GPC5: variants seen among roughly 807,000 people sequenced by gnomAD.
GPC5 encodes glypican 5.
In GPC5, 47 loss-of-function variants were observed where a neutral mutation model predicts 53.9. The observed-to-expected ratio is 0.87, with a 90% CI of 0.69 to 1.11. The LOEUF (loss-of-function observed/expected upper bound fraction) is 1.11. Ranked by LOEUF, GPC5 falls within the 50% of genes most tolerant of loss-of-function variation. The probability of loss-of-function intolerance (pLI) is 0.00; values close to 1 mark genes in which losing one functional copy is unlikely to be tolerated. For missense variants in GPC5, 748 were observed against 713.1 expected (o/e 1.05, Z -0.56); for synonymous variants, 286 against 263.3 (o/e 1.09, Z -0.84).
chr13:91,885,893 A>AT (rs1214917391), intron 5 of GPC5, among the ~76,000 whole-genome samples: 1 of 152,072 alleles, frequency 6.6e-6, no homozygotes, highest in Non-Finnish European at 1.5e-5. Flanking sequence ...AAAGTCATAT[A>AT]TTTTTAAATA....
At chr13:91,744,962 A>C (rs1043591077) in intron 4 of GPC5, among the ~76,000 whole-genome samples, 2 of 152,108 alleles carry the variant, frequency 1.3e-5, no homozygotes, top group Non-Finnish European at 2.9e-5. Context: ...TAAAGTGACC[A>C]AAAAATTATA....
intron 7 of GPC5, among the ~76,000 whole-genome samples, chr13:92,258,597 A>AAAC (rs2042743488): frequency 6.6e-6 from 1 of 152,164 alleles, no homozygotes; most frequent in Non-Finnish European, 1.5e-5. Context: ...AGATAGCTCT[A>AAAC]AATATATGAC....
chr13:92,205,868 G>A (rs2042330322), intron 7 of GPC5, among the ~76,000 whole-genome samples: 2 of 151,862 alleles, frequency 1.3e-5, no homozygotes, highest in East Asian at 2.0e-4. Context: ...CCAACATGGC[G>A]AAAGCCCCGC....
chr13:92,298,096 A>C (rs1044907509), intron 7 of GPC5, among the ~76,000 whole-genome samples: 7 of 152,076 alleles, frequency 4.6e-5, no homozygotes, highest in African/African-American at 1.7e-4. Flanking sequence ...TTGTCAGGGA[A>C]GTGGGGAAAA....
rs188817517 is a variant in GPC5 at position 92,337,519 on chromosome 13, C to T, written c.1561+192530C>T. On this transcript the variant is annotated intron_variant, in intron 7 of 7. Transcript: ENST00000377067. ...CAAAGGAGAGAATATTGAAAGAGAA[C>T]AAAGTTGGAGACTGACAATACCAGA... Among the ~76,000 whole-genome samples, 6 of 152,180 alleles carry T rather than the reference C, an allele frequency of 3.9e-5. No individual in the cohort carries two copies. The East Asian group carries it at 9.7e-4, about 24-fold the overall frequency.
rs536230927 is a variant in GPC5 at position 91,856,200 on chromosome 13, T to C, written c.1281-51737T>C. ...TAAGTAGTATTCCATTGTGTAGATA[T>C]ACACATTTAAAAAAACATATTTTTC... is the stretch of plus-strand genomic sequence containing the variant. On this transcript the variant is annotated intron_variant, in intron 5 of 7. Coordinates refer to ENST00000377067, the MANE Select transcript of GPC5 (RefSeq NM_004466.6). 4.0e-5 allele frequency among the ~76,000 whole-genome samples: 6 copies of C among 151,728 alleles called. No homozygotes were observed. The East Asian group carries it at 1.2e-3, about 29-fold the overall frequency.
At position 91,398,693 on chromosome 13, in the gene GPC5, G is replaced by A. The variant is rs1476934104; in HGVS notation, c.-354G>A. The stretch of plus-strand genomic sequence containing the variant: ...CGGCGGCGGCAGTGGCGGCAGTGGC[G>A]GCAGTGGCGGCAGCGGCAGCAGTTG... On this transcript the variant is annotated 5_prime_UTR_variant, in exon 1 of 8. Coordinates refer to ENST00000377067, the MANE Select transcript of GPC5 (RefSeq NM_004466.6). 1 of 234,366 alleles carries A rather than the reference G, an allele frequency of 4.3e-6. No individual in the cohort carries two copies. Among genetic ancestry groups the A allele is most frequent in the Non-Finnish European group, 8.1e-6 (1 of 124,014 alleles). The allele number at this position is 234,366 out of a possible 1,614,324, so 14.5% of individuals were successfully genotyped here.
intron 7 of GPC5, among the ~76,000 whole-genome samples, chr13:92,279,648 C>G (rs2042900072): frequency 6.6e-6 from 1 of 151,634 alleles, no homozygotes; most frequent in Non-Finnish European, 1.5e-5. Context: ...TGAATTTTAT[C>G]TTATTGCTTT....
Position 92,284,976 on chromosome 13 carries a change from T to A in GPC5, c.1561+139987T>A, listed in dbSNP as rs2042943155. 3.3e-5 allele frequency among the ~76,000 whole-genome samples: 5 copies of A among 152,156 alleles called. No homozygotes were observed. The South Asian group carries it at 8.3e-4, about 25-fold the overall frequency. On this transcript the variant is annotated intron_variant, in intron 7 of 7. Transcript: ENST00000377067. ...TGTCCCTGTTTGCAGATGACATGATTGTATATCTAGATAACCCCATCGTCT... is the reference window on the plus strand; with the variant it reads ...TGTCCCTGTTTGCAGATGACATGATAGTATATCTAGATAACCCCATCGTCT...
At chr13:91,931,921 GCTTT>G (rs1164897734) in intron 6 of GPC5, among the ~76,000 whole-genome samples, 1 of 151,914 alleles carries the variant, frequency 6.6e-6, no homozygotes, top group African/African-American at 2.4e-5. Flanking sequence ...ACTCCGTTTT[GCTTT>G]CTAAGATGCT....
intron 6 of GPC5, among the ~76,000 whole-genome samples, chr13:91,946,008 T>C (rs912904734): frequency 1.3e-5 from 2 of 152,132 alleles, no homozygotes; most frequent in African/African-American, 4.8e-5. Context: ...TGGTCCAGCA[T>C]TTCTGACTGT....
intron 5 of GPC5, among the ~76,000 whole-genome samples, chr13:91,833,058 G>T (rs1056434885): frequency 2.0e-5 from 3 of 151,844 alleles, no homozygotes; most frequent in Non-Finnish European, 4.4e-5. Flanking sequence ...ATGATAAAGG[G>T]GATATCACTA....
At chr13:92,406,111 A>G (rs879307806) in intron 7 of GPC5, among the ~76,000 whole-genome samples, 8 of 152,192 alleles carry the variant, frequency 5.3e-5, no homozygotes, top group Admixed American at 5.2e-4. Context: ...CACTGATGCC[A>G]TGCAAACCCA....
At chr13:92,591,252 C>T (rs531189861) in intron 7 of GPC5, among the ~76,000 whole-genome samples, 1 of 152,066 alleles carries the variant, frequency 6.6e-6, no homozygotes, top group Non-Finnish European at 1.5e-5. Flanking sequence ...CCTCCAGAAG[C>T]TTTTCTCCGT....
intron 2 of GPC5, among the ~76,000 whole-genome samples, chr13:91,655,291 GTGTT>G (rs2034818643): frequency 6.6e-6 from 1 of 152,062 alleles, no homozygotes; most frequent in Non-Finnish European, 1.5e-5. Flanking sequence ...AATTCTGTGT[GTGTT>G]TGTGTGTGTG....
chr13:92,621,910 C>T lies in GPC5; in HGVS notation c.1562-244372C>T, dbSNP rs191744177. On this transcript the variant is annotated intron_variant, in intron 7 of 7. Coordinates refer to ENST00000377067, the MANE Select transcript of GPC5 (RefSeq NM_004466.6). ...AGCATGAATCAGGTCCAAGTCCCTA[C>T]ATATTACTCAACTACAACAACAAAA... Among the ~76,000 whole-genome samples, 196 of 152,236 alleles carry T rather than the reference C, an allele frequency of 1.3e-3. 1 individual carries two copies. Among genetic ancestry groups the T allele is most frequent in the African/African-American group, 4.5e-3 (185 of 41,538 alleles).
At chr13:92,254,077 G>A (rs1174455384) in intron 7 of GPC5, among the ~76,000 whole-genome samples, 1 of 152,056 alleles carries the variant, frequency 6.6e-6, no homozygotes, top group Non-Finnish European at 1.5e-5. Context: ...CTGCCTGAAG[G>A]TAGTCAAAGG....
At chr13:91,948,367 C>T (rs1286228064) in intron 6 of GPC5, among the ~76,000 whole-genome samples, 3 of 151,790 alleles carry the variant, frequency 2.0e-5, no homozygotes, top group Non-Finnish European at 2.9e-5. Flanking sequence ...ATATTGAGGA[C>T]GAGCATAGAT....
chr13:91,467,034 A>G (rs1368027290), intron 2 of GPC5, among the ~76,000 whole-genome samples: 3 of 152,174 alleles, frequency 2.0e-5, no homozygotes, highest in South Asian at 2.1e-4. Flanking sequence ...ACACGCCTGC[A>G]TTGATCTTAG....
Sources: gnomAD v4.1 joint callset for allele counts (sites outside exome capture counted in the v4.1 genomes callset) on GRCh38, gnomAD v4.1.1 for gene constraint, MANE v1.5 for transcripts, NCBI Gene and HGNC (gene_info 2026-07-23, HGNC 2026-07-21) for gene names.